Variants in CLASP1 observed in about 807,000 individuals in gnomAD.
CLASP1 encodes the protein CLIP-associating protein 1.
A neutral mutation model predicts 192.3 loss-of-function variants in CLASP1; 38 were observed. The ratio of observed to expected loss-of-function variants is 0.20; its 90% CI spans 0.15 to 0.26. The LOEUF (loss-of-function observed/expected upper bound fraction) is 0.26, where lower values mean the gene tolerates loss of function less well. Ranked by LOEUF, CLASP1 falls within the 10% of genes least tolerant of loss-of-function variation. The pLI, the probability that CLASP1 is intolerant of heterozygous loss-of-function variation, is 1.00. For synonymous variants in CLASP1, 691 were observed against 712.8 expected (o/e 0.97, Z 0.49); for missense variants, 1,433 against 1,932.5 (o/e 0.74, Z 4.85).
At chr2:121,531,505 G>C (rs2094876731) in intron 2 of CLASP1, among the ~76,000 whole-genome samples, 1 of 151,140 alleles carries the variant, frequency 6.6e-6, no homozygotes, top group Non-Finnish European at 1.5e-5. Context: ...TGAGGCAGGA[G>C]AATGGCGTGA....
chr2:121,494,202 T>C (rs1462222005), intron 8 of CLASP1, among the ~76,000 whole-genome samples: 1 of 152,174 alleles, frequency 6.6e-6, no homozygotes, highest in Non-Finnish European at 1.5e-5. Flanking sequence ...GCAACCTAAG[T>C]GTCCATCAAC....
chr2:121,480,844 T>TA (rs1335338973), intron 8 of CLASP1, among the ~76,000 whole-genome samples: 2 of 152,224 alleles, frequency 1.3e-5, no homozygotes, highest in East Asian at 3.9e-4. Flanking sequence ...CTTGTGGACT[T>TA]AGAGCTATGC....
At chr2:121,435,632 C>T (rs944371378) in intron 19 of CLASP1, among the ~76,000 whole-genome samples, 11 of 152,182 alleles carry the variant, frequency 7.2e-5, no homozygotes, top group African/African-American at 2.2e-4. Flanking sequence ...CTTTTATCCT[C>T]TCCTTTGTTT....
intron 19 of CLASP1, among the ~76,000 whole-genome samples, chr2:121,444,221 A>G (rs1186259179): frequency 6.6e-6 from 1 of 152,204 alleles, no homozygotes; most frequent in African/African-American, 2.4e-5. Flanking sequence ...AGAATGGCAT[A>G]AAAAACAAAA....
At position 121,522,552 on chromosome 2, in the gene CLASP1, T is replaced by G. The variant is rs574688972; in HGVS notation, c.546+3293A>C. Among the ~76,000 whole-genome samples the G allele has an allele frequency of 1.2e-4, 19 of 152,378 alleles. No homozygotes were observed. The East Asian group carries it at 2.7e-3, about 22-fold the overall frequency. ...TTATTTTAAAAAACTATCTCTCTGC[T>G]TCTTCATAAATCATTTTTAAAATTA... On this transcript the variant is annotated intron_variant, in intron 6 of 39. Transcript: ENST00000263710.
At chr2:121,630,381 A>AAC (rs60827939) in intron 1 of CLASP1, among the ~76,000 whole-genome samples, 11,804 of 138,920 alleles carry the variant, frequency 0.085, 507 homozygotes, top group African/African-American at 0.11. Flanking sequence ...ATTGGAAAGA[A>AAC]ACACACACAC....
At chr2:121,343,232 CAG>C (rs1176321591) in intron 39 of CLASP1, among the ~76,000 whole-genome samples, 1 of 152,084 alleles carries the variant, frequency 6.6e-6, no homozygotes, top group Non-Finnish European at 1.5e-5. Context: ...AAAATAAAAA[CAG>C]AAAATAACAA....
At chr2:121,542,699 A>G (rs2095257932) in intron 2 of CLASP1, among the ~76,000 whole-genome samples, 1 of 152,248 alleles carries the variant, frequency 6.6e-6, no homozygotes, top group Non-Finnish European at 1.5e-5. Flanking sequence ...ATAAACCATA[A>G]AAGTAAATGT....
chr2:121,428,829 A>G (rs1308303683), intron 20 of CLASP1, among the ~76,000 whole-genome samples: 1 of 152,212 alleles, frequency 6.6e-6, no homozygotes, highest in African/African-American at 2.4e-5. Context: ...CCATTTAACT[A>G]TTACATGTTA....
chr2:121,602,386 T>C (rs962797233), intron 2 of CLASP1, among the ~76,000 whole-genome samples: 7 of 151,952 alleles, frequency 4.6e-5, no homozygotes, highest in African/African-American at 1.2e-4. Flanking sequence ...AAAATGACAA[T>C]AGCAATCTAC....
rs546166781 is a variant in CLASP1, at chr2:121,516,550, C to T, written c.547-788G>A. The stretch of plus-strand genomic sequence containing the variant: ...CAAACTAAGAAAGCAGCATGAAATA[C>T]GAAATAAGGTGTGAGAGACAGGGTA... On this transcript the variant is annotated intron_variant, in intron 6 of 39. Coordinates refer to ENST00000263710, the Ensembl canonical transcript of CLASP1. Among the ~76,000 whole-genome samples, 8 of 152,244 alleles carry T rather than the reference C, an allele frequency of 5.3e-5. No individual in the cohort carries two copies. In the South Asian group the frequency reaches 6.2e-4, roughly 12 times the overall value.
At chr2:121,371,370 A>G (rs1454056772) in intron 34 of CLASP1, among the ~76,000 whole-genome samples, 2 of 151,976 alleles carry the variant, frequency 1.3e-5, no homozygotes, top group Non-Finnish European at 2.9e-5. Flanking sequence ...AGCTGGGACT[A>G]CAGGGTGCAC....
chr2:121,381,737 T>A (rs981634619), intron 33 of CLASP1, among the ~76,000 whole-genome samples: 6 of 152,174 alleles, frequency 3.9e-5, no homozygotes, highest in Admixed American at 2.6e-4. Flanking sequence ...TATGACAGTA[T>A]GTTAGGAAAG....
At chr2:121,449,817 A>G (rs953104924) in intron 16 of CLASP1, among the ~76,000 whole-genome samples, 3 of 152,354 alleles carry the variant, frequency 2.0e-5, no homozygotes, top group South Asian at 4.1e-4. Context: ...TCAAAGAGCA[A>G]TAAGTACTAG....
At chr2:121,367,662 T>A in exon 35 of CLASP1, 1 of 1,614,018 alleles carries the variant, frequency 6.2e-7, no homozygotes, top group Non-Finnish European at 8.5e-7. Flanking sequence ...GTTGATGGCA[T>A]CTGAGTAGGG....
chr2:121,445,000 G>C (rs1251602115), intron 19 of CLASP1: 1 of 1,279,258 alleles, frequency 7.8e-7, no homozygotes, highest in Admixed American at 2.0e-5. Context: ...GGGATAACAG[G>C]GAACAGTTAG....
intron 16 of CLASP1, among the ~76,000 whole-genome samples, chr2:121,449,463 G>A (rs929533131): frequency 2.0e-5 from 3 of 152,096 alleles, no homozygotes; most frequent in African/African-American, 7.2e-5. Flanking sequence ...CATTAAAATG[G>A]CAGCTATTAT....
chr2:121,557,759 AAAAAAAG>A (rs1289934449), intron 2 of CLASP1, among the ~76,000 whole-genome samples: 2 of 151,544 alleles, frequency 1.3e-5, no homozygotes, highest in African/African-American at 2.4e-5. Flanking sequence ...TTCATCTTGG[AAAAAAAG>A]AAAAAAGAAA....
chr2:121,430,191 CA>C lies in CLASP1; in HGVS notation c.1913-15del. ...TGCGGATCCGACCTGGAGGACACAG[CA>C]AAAACAGTGTTTCACAACATTTCCA... On this transcript the variant is annotated splice_polypyrimidine_tract_variant and intron_variant, in intron 19 of 39. Coordinates refer to ENST00000263710, the Ensembl canonical transcript of CLASP1. 3 of 1,545,436 alleles carry C rather than the reference CA, an allele frequency of 1.9e-6. No homozygotes were observed. In the African/African-American group the frequency reaches 4.1e-5, roughly 21 times the overall value.
Sources: allele counts gnomAD v4.1 joint callset (sites outside exome capture counted in the v4.1 genomes callset), GRCh38; gene constraint gnomAD v4.1.1; transcripts MANE v1.5; gene names NCBI Gene and HGNC (gene_info 2026-07-23, HGNC 2026-07-21).